The following CPPED1 variants were observed in gnomAD, a reference collection of about 807,000 sequenced individuals.
CPPED1 encodes the protein serine/threonine-protein phosphatase CPPED1.
CPPED1 carries 28 observed loss-of-function variants against 28.0 expected under a neutral mutation model. The observed-to-expected ratio is 1.00, with a 90% CI of 0.74 to 1.37. The LOEUF is 1.37. Ranked by LOEUF, CPPED1 falls within the 40% of genes most tolerant of loss-of-function variation. The pLI, the probability that CPPED1 is intolerant of heterozygous loss-of-function variation, is 0.00. For missense variants in CPPED1, 504 were observed against 416.5 expected (o/e 1.21, Z -1.83); for synonymous variants, 198 against 180.2 (o/e 1.10, Z -0.79).
intron 1 of CPPED1, among the ~76,000 whole-genome samples, chr16:12,784,889 T>C (rs1453420340): frequency 1.3e-5 from 2 of 152,370 alleles, no homozygotes; most frequent in African/African-American, 4.8e-5. Flanking sequence ...AAATCTTTCA[T>C]TATTACTTGT....
intron 3 of CPPED1, among the ~76,000 whole-genome samples, chr16:12,683,368 C>T (rs1187441702): frequency 6.6e-6 from 1 of 152,152 alleles, no homozygotes; most frequent in Admixed American, 6.5e-5. Context: ...GGTGGCCTTC[C>T]CCAGGCTCTG....
At chr16:12,773,218 T>C (rs1190811809) in intron 2 of CPPED1, among the ~76,000 whole-genome samples, 2 of 152,188 alleles carry the variant, frequency 1.3e-5, no homozygotes, top group Non-Finnish European at 2.9e-5. Flanking sequence ...CAAAGGGCTA[T>C]TTTGGAAGTC....
intron 1 of CPPED1, among the ~76,000 whole-genome samples, chr16:12,782,337 C>T (rs963805452): frequency 6.6e-6 from 1 of 152,098 alleles, no homozygotes; most frequent in East Asian, 1.9e-4. Context: ...ACATTCCAAG[C>T]AAAGAAGCTT....
At chr16:12,723,347 A>G (rs568843859) in intron 2 of CPPED1, among the ~76,000 whole-genome samples, 1 of 152,302 alleles carries the variant, frequency 6.6e-6, no homozygotes, top group South Asian at 2.1e-4. Context: ...TTCCTATTTG[A>G]AGTCCTGACC....
intron 3 of CPPED1, among the ~76,000 whole-genome samples, chr16:12,685,691 T>G (rs2141174929): frequency 6.6e-6 from 1 of 152,204 alleles, no homozygotes; most frequent in Admixed American, 6.5e-5. Flanking sequence ...CCTCCTGATT[T>G]TGTTCTGGGC....
chr16:12,664,816 G>A lies in CPPED1; in HGVS notation c.*70C>T, dbSNP rs751113154. 2.1e-5 allele frequency: 33 copies of A among 1,598,634 alleles called. No individual in the cohort carries two copies. Among genetic ancestry groups the A allele is most frequent in the Non-Finnish European group, 2.8e-5 (33 of 1,175,288 alleles). On this transcript the variant is annotated 3_prime_UTR_variant, in exon 4 of 4. Coordinates refer to ENST00000381774, the MANE Select transcript of CPPED1 (RefSeq NM_018340.3). This position sits in a 1 kb window ranked among gnomAD's most constrained non-coding sequence, Gnocchi z 4.2. ...TTTTTATATTTCAGCAAGAGGTTGT[G>A]TGCAGCTGCTGTTTCTGGCAAAATA...
chr16:12,671,967 G>C (rs60125018), intron 3 of CPPED1, among the ~76,000 whole-genome samples: 8,515 of 152,194 alleles, frequency 0.056, 753 homozygotes, highest in African/African-American at 0.19. Flanking sequence ...ACCTTCCCTA[G>C]GTCTAGATAT....
chr16:12,802,081 G>A (rs2080663466), intron 1 of CPPED1, among the ~76,000 whole-genome samples: 1 of 152,144 alleles, frequency 6.6e-6, no homozygotes, highest in African/African-American at 2.4e-5. Flanking sequence ...CCCACTGGCT[G>A]AGCCCAAAGG....
chr16:12,702,833 G>A (rs1369373468), intron 3 of CPPED1, among the ~76,000 whole-genome samples: 1 of 151,766 alleles, frequency 6.6e-6, no homozygotes, highest in African/African-American at 2.4e-5. Flanking sequence ...ACTAAACCTG[G>A]CCAAACTGTC....
At chr16:12,685,565 C>T (rs546847172) in intron 3 of CPPED1, among the ~76,000 whole-genome samples, 77 of 152,284 alleles carry the variant, frequency 5.1e-4, no homozygotes, top group African/African-American at 1.8e-3. Flanking sequence ...TACTGCATGC[C>T]GGGGACCTGA....
At chr16:12,674,588 G>C (rs2079868912) in intron 3 of CPPED1, among the ~76,000 whole-genome samples, 1 of 152,104 alleles carries the variant, frequency 6.6e-6, no homozygotes, top group South Asian at 2.1e-4. Context: ...ACAGTGGCGG[G>C]GCACTCTGTA....
intron 2 of CPPED1, 39 bp from the exon 3 acceptor site, chr16:12,705,088 C>T (rs752686726): frequency 3.4e-5 from 52 of 1,541,518 alleles, no homozygotes; most frequent in Admixed American, 1.2e-4. Flanking sequence ...AAGCCAGGGG[C>T]TTATTCACTT....
At chr16:12,722,020 T>C (rs2080143732) in intron 2 of CPPED1, among the ~76,000 whole-genome samples, 1 of 152,178 alleles carries the variant, frequency 6.6e-6, no homozygotes, top group South Asian at 2.1e-4. Context: ...CAATGTTCTC[T>C]GAGGCAAACA....
intron 1 of CPPED1, among the ~76,000 whole-genome samples, chr16:12,799,675 C>T (rs1311448767): frequency 1.3e-5 from 2 of 152,222 alleles, no homozygotes; most frequent in Admixed American, 6.5e-5. Context: ...CTAATAGAGT[C>T]AGGACCCCGG....
At chr16:12,748,908 C>T (rs2080309122) in intron 2 of CPPED1, among the ~76,000 whole-genome samples, 1 of 150,656 alleles carries the variant, frequency 6.6e-6, no homozygotes, top group Admixed American at 6.6e-5. Context: ...TATGCAATAG[C>T]ATTATGTCTA....
At chr16:12,725,842 G>A (rs1272075112) in intron 2 of CPPED1, among the ~76,000 whole-genome samples, 3 of 152,138 alleles carry the variant, frequency 2.0e-5, no homozygotes, top group Non-Finnish European at 4.4e-5. Flanking sequence ...CAATACCTCT[G>A]TCACTTTGAC....
intron 3 of CPPED1, among the ~76,000 whole-genome samples, chr16:12,697,742 G>C (rs1222867906): frequency 6.6e-6 from 1 of 152,158 alleles, no homozygotes; most frequent in Non-Finnish European, 1.5e-5. Context: ...GAGCCACAAA[G>C]CCCAAAATAT....
intron 3 of CPPED1, among the ~76,000 whole-genome samples, chr16:12,669,450 G>A (rs538521327): frequency 4.8e-4 from 73 of 152,194 alleles, no homozygotes; most frequent in African/African-American, 1.4e-3. Context: ...GACTAAATTT[G>A]ATACTTCAAA....
At chr16:12,731,023 A>T (rs1337171326) in intron 2 of CPPED1, among the ~76,000 whole-genome samples, 1 of 152,090 alleles carries the variant, frequency 6.6e-6, no homozygotes, top group Non-Finnish European at 1.5e-5. Context: ...AGAAGATGGG[A>T]CTTTTAGTCT....
Sources: gnomAD v4.1 joint callset for allele counts (sites outside exome capture counted in the v4.1 genomes callset) on GRCh38, gnomAD v4.1.1 for gene constraint, Gnocchi (gnomAD v3.1) non-coding constraint, MANE v1.5 for transcripts, NCBI Gene and HGNC (gene_info 2026-07-23, HGNC 2026-07-21) for gene names.